The following ST6GAL1 variants were observed in gnomAD, a reference collection of about 807,000 sequenced individuals.
ST6GAL1 encodes the protein beta-galactoside alpha-2,6-sialyltransferase 1.
A neutral mutation model predicts 38.0 loss-of-function variants in ST6GAL1; 20 were observed. That is an observed-to-expected ratio of 0.53 (90% confidence interval 0.37 to 0.77). ST6GAL1 has a LOEUF of 0.77. Among genes scored for constraint, ST6GAL1 ranks in the 30% least tolerant of loss-of-function variants. The pLI is 0.00. For synonymous variants in ST6GAL1, 196 were observed against 188.2 expected (o/e 1.04, Z -0.34); for missense variants, 432 against 496.4 (o/e 0.87, Z 1.23).
intron 1 of ST6GAL1, among the ~76,000 whole-genome samples, chr3:186,935,432 T>A (rs1397824857): frequency 1.3e-5 from 2 of 152,212 alleles, no homozygotes; most frequent in African/African-American, 4.8e-5. Flanking sequence ...TATTTAGATC[T>A]TTGCTGTTGT....
intron 2 of ST6GAL1, among the ~76,000 whole-genome samples, chr3:186,968,979 G>T (rs553565558): frequency 6.6e-6 from 1 of 151,500 alleles, no homozygotes; most frequent in South Asian, 2.1e-4. Flanking sequence ...AGAATTCCAG[G>T]CACTTCACTT....
At chr3:187,066,597 C>CGTGTGTGT (rs374550671) in intron 5 of ST6GAL1, among the ~76,000 whole-genome samples, 75 of 116,932 alleles carry the variant, frequency 6.4e-4, no homozygotes, top group Non-Finnish European at 1.1e-3. Context: ...GATGTGCGTG[C>CGTGTGTGT]GTGCGTGTGT....
intron 2 of ST6GAL1, among the ~76,000 whole-genome samples, chr3:187,035,648 C>T (rs538236006): frequency 6.6e-6 from 1 of 152,082 alleles, no homozygotes; most frequent in African/African-American, 2.4e-5. Flanking sequence ...AAATAAGCAA[C>T]GGGGGAAAGA....
At chr3:187,057,554 T>G (rs1718750115) in intron 5 of ST6GAL1, among the ~76,000 whole-genome samples, 1 of 152,190 alleles carries the variant, frequency 6.6e-6, no homozygotes, top group Non-Finnish European at 1.5e-5. Flanking sequence ...GTCCCTCAGC[T>G]GCAGGTCTGT....
chr3:187,052,932 T>C (rs1718566185), intron 5 of ST6GAL1, among the ~76,000 whole-genome samples: 2 of 152,346 alleles, frequency 1.3e-5, no homozygotes, highest in Admixed American at 1.3e-4. Flanking sequence ...AAAGCATTCC[T>C]GTTTCTCCAC....
At chr3:186,934,531 CA>C (rs146042224) in intron 1 of ST6GAL1, among the ~76,000 whole-genome samples, 33,602 of 151,708 alleles carry the variant, frequency 0.22, 4,035 homozygotes, top group Non-Finnish European at 0.29. Context: ...CACTGTACTC[CA>C]GCCTGGGGAC....
At chr3:186,977,260 T>G (rs1715550719) in intron 2 of ST6GAL1, among the ~76,000 whole-genome samples, 1 of 152,150 alleles carries the variant, frequency 6.6e-6, no homozygotes, top group Non-Finnish European at 1.5e-5. Context: ...CTCCCCCATT[T>G]CTTTGCTTTT....
chr3:187,058,091 CCCG>C (rs1415016661), intron 5 of ST6GAL1, among the ~76,000 whole-genome samples: 10 of 152,330 alleles, frequency 6.6e-5, no homozygotes, highest in African/African-American at 2.4e-4. Context: ...GGTCCTGGGA[CCCG>C]CTGAGCCAGG....
At chr3:186,978,656 G>A (rs17775211) in intron 2 of ST6GAL1, among the ~76,000 whole-genome samples, 24,718 of 152,188 alleles carry the variant, frequency 0.16, 2,485 homozygotes, top group Non-Finnish European at 0.23. Context: ...AGCACACCAC[G>A]GAGTTTAGAG....
Position 187,075,460 on chromosome 3 carries a change from G to A in ST6GAL1, c.980-102G>A. 6.6e-7 allele frequency: 1 copy of A among 1,515,546 alleles called. No homozygotes were observed. The highest frequency in any genetic ancestry group is 2.0e-5 in the Admixed American group (1 of 51,056). The allele number at this position is 1,515,546 out of a possible 1,614,324, so 93.9% of individuals were successfully genotyped here. A position where few individuals can be genotyped will look rare whatever the true frequency, so the allele number is the denominator to read the frequency against. The stretch of plus-strand genomic sequence containing the variant: ...CATAAATAGAAACTCCAGAGGGAAA[G>A]CTCTCCAAATTTGGGGTCATGAGCT... On this transcript the variant is annotated intron_variant, in intron 7 of 7. Transcript: ENST00000169298. The surrounding 1 kb of genome is among the most constrained non-coding windows in gnomAD (Gnocchi z 4.1).
At chr3:187,062,363 T>G (rs1014287377) in intron 5 of ST6GAL1, among the ~76,000 whole-genome samples, 1 of 152,120 alleles carries the variant, frequency 6.6e-6, no homozygotes, top group Non-Finnish European at 1.5e-5. Context: ...AGAAGGGTCT[T>G]GAAGAGATAT....
intron 5 of ST6GAL1, among the ~76,000 whole-genome samples, chr3:187,061,045 AAATATTCATTTTTTCTATTATGTGC>A (rs1426244802): frequency 6.6e-6 from 1 of 152,212 alleles, no homozygotes; most frequent in African/African-American, 2.4e-5. Context: ...AACACCCAAA[AAATATTCATTTTTTCTATTATGTGC>A]AATAACAATG....
chr3:187,011,908 G>A (rs1490146699), intron 2 of ST6GAL1, among the ~76,000 whole-genome samples: 5 of 152,144 alleles, frequency 3.3e-5, no homozygotes, highest in Non-Finnish European at 7.4e-5. Context: ...TACTTGATTC[G>A]GAGGACTGGG....
chr3:186,992,875 G>T (rs1028114518), intron 2 of ST6GAL1, among the ~76,000 whole-genome samples: 19 of 152,144 alleles, frequency 1.2e-4, no homozygotes, highest in Non-Finnish European at 2.1e-4. Context: ...TGCCCCTAAG[G>T]TGCTCACAGT....
At chr3:186,980,821 ATCTATAC>A (rs1174250813) in intron 2 of ST6GAL1, among the ~76,000 whole-genome samples, 1 of 151,830 alleles carries the variant, frequency 6.6e-6, no homozygotes, top group Non-Finnish European at 1.5e-5. Context: ...GGATCAATGA[ATCTATAC>A]TCTAATACTC....
rs111902225 is a variant in ST6GAL1 at position 186,940,584 on chromosome 3, G to A, written c.-325+9750G>A. ...CGTAAACTTTCTTTAAAAATTATGC[G>A]TTTTTTTGTGTTTTTCTTTTTTCTT... On this transcript the variant is annotated intron_variant, in intron 1 of 7. Coordinates refer to ENST00000169298, the MANE Select transcript of ST6GAL1 (RefSeq NM_173216.2). 7.0e-3 allele frequency among the ~76,000 whole-genome samples: 1,058 copies of A among 152,200 alleles called. 6 individuals are homozygous for A. The highest frequency in any genetic ancestry group is 0.023 in the African/African-American group (967 of 41,528).
intron 5 of ST6GAL1, among the ~76,000 whole-genome samples, chr3:187,071,654 G>A (rs1333375446): frequency 6.6e-6 from 1 of 151,668 alleles, no homozygotes. Flanking sequence ...CCAACTGCTT[G>A]GAGGCTGAGG....
chr3:186,998,669 A>C (rs993295128), intron 2 of ST6GAL1, among the ~76,000 whole-genome samples: 1 of 152,206 alleles, frequency 6.6e-6, no homozygotes, highest in African/African-American at 2.4e-5. Flanking sequence ...ACTGTATTTT[A>C]TTTAACTCAA....
chr3:186,966,828 A>G (rs1003192403), intron 2 of ST6GAL1, among the ~76,000 whole-genome samples: 5 of 152,132 alleles, frequency 3.3e-5, no homozygotes, highest in Non-Finnish European at 7.4e-5. Flanking sequence ...GACTCTCAGA[A>G]CTGTTTCCCG....
Sources: gnomAD v4.1 joint callset for allele counts (sites outside exome capture counted in the v4.1 genomes callset) on GRCh38, gnomAD v4.1.1 for gene constraint, Gnocchi (gnomAD v3.1) non-coding constraint, MANE v1.5 for transcripts, NCBI Gene and HGNC (gene_info 2026-07-23, HGNC 2026-07-21) for gene names.